The following LIPA variants were observed in gnomAD, a reference collection of about 807,000 sequenced individuals.
LIPA encodes the protein lipase A, lysosomal acid type.
LIPA carries 26 observed loss-of-function variants against 40.6 expected under a neutral mutation model. The observed-to-expected ratio is 0.64, with a 90% CI of 0.47 to 0.89. LIPA has a LOEUF of 0.89. Among genes scored for constraint, LIPA ranks in the 40% least tolerant of loss-of-function variants. The probability of loss-of-function intolerance (pLI) is 0.00; values close to 1 mark genes in which losing one functional copy is unlikely to be tolerated. For synonymous variants in LIPA, 188 were observed against 168.4 expected (o/e 1.12, Z -0.90); for missense variants, 455 against 479.6 (o/e 0.95, Z 0.48).
At chr10:89,232,420 C>A (rs1475646581) in intron 3 of LIPA, among the ~76,000 whole-genome samples, 1 of 152,224 alleles carries the variant, frequency 6.6e-6, no homozygotes, top group Non-Finnish European at 1.5e-5. Context: ...CGACTGCAAT[C>A]GTCTTCCCTC....
chr10:89,360,620 C>G (rs997986001), intron 2 of LIPA, among the ~76,000 whole-genome samples: 1 of 152,154 alleles, frequency 6.6e-6, no homozygotes, highest in Admixed American at 6.5e-5. Flanking sequence ...TCTCGAACTC[C>G]CAACCTCAGG....
At chr10:89,251,568 A>ACGCCCGCAGAAAAAG (rs1432844205) in intron 1 of LIPA, among the ~76,000 whole-genome samples, 169 bp downstream of exon 1, 3 of 152,116 alleles carry the variant, frequency 2.0e-5, no homozygotes, top group African/African-American at 7.2e-5. Context: ...CCTTGAGCCA[A>ACGCCCGCAGAAAAAG]CGCCCGCAGA....
chr10:89,365,286 A>C (rs1844048808), intron 2 of LIPA, among the ~76,000 whole-genome samples: 1 of 152,146 alleles, frequency 6.6e-6, no homozygotes. Flanking sequence ...AACACAGCTA[A>C]AGATAAAATC....
chr10:89,381,993 C>T (rs940536843), intron 2 of LIPA, among the ~76,000 whole-genome samples: 10 of 152,082 alleles, frequency 6.6e-5, no homozygotes, highest in Non-Finnish European at 1.0e-4. Context: ...TAGTTTTGAA[C>T]TCCTGAGCTC....
intron 5 of LIPA, 70 bp from the exon 6 acceptor site, chr10:89,225,298 CG>C: frequency 6.3e-7 from 1 of 1,595,354 alleles, no homozygotes; most frequent in Non-Finnish European, 8.6e-7. Context: ...ACACAAAGGC[CG>C]TCACTCGCGA....
intron 2 of LIPA, chr10:89,393,065 G>T: frequency 9.2e-7 from 1 of 1,082,804 alleles, no homozygotes; most frequent in Non-Finnish European, 1.2e-6. Context: ...ATATGGGGAA[G>T]GAATGGACAG....
chr10:89,400,836 C>A (rs1175425435), intron 2 of LIPA, among the ~76,000 whole-genome samples: 2 of 152,176 alleles, frequency 1.3e-5, no homozygotes, highest in Non-Finnish European at 2.9e-5. Context: ...TTACCTCATT[C>A]CTGATCGTGG....
At chr10:89,403,830 GAAT>G (rs1228182880) in intron 2 of LIPA, 5 of 628,628 alleles carry the variant, frequency 8.0e-6, no homozygotes, top group Non-Finnish European at 1.3e-5. Flanking sequence ...TGTAATTCTT[GAAT>G]AATAAATCTG....
chr10:89,248,394 G>T (rs1843061640), intron 1 of LIPA, among the ~76,000 whole-genome samples: 1 of 149,612 alleles, frequency 6.7e-6, no homozygotes, highest in African/African-American at 2.5e-5. Flanking sequence ...ATGACTTCGT[G>T]ACCTGCCCGC....
intron 1 of LIPA, among the ~76,000 whole-genome samples, chr10:89,271,707 G>A (rs528504834): frequency 3.2e-4 from 49 of 152,182 alleles, no homozygotes; most frequent in Non-Finnish European, 5.3e-4. Flanking sequence ...ACCAGATAAG[G>A]AGTCATGACA....
chr10:89,306,275 A>G, intron 1 of LIPA: 3 of 1,614,120 alleles, frequency 1.9e-6, no homozygotes, highest in South Asian at 2.2e-5. Flanking sequence ...CTACTATCAC[A>G]TGGGCCGACT....
At chr10:89,403,065 A>C in intron 2 of LIPA, 1 of 1,614,244 alleles carries the variant, frequency 6.2e-7, no homozygotes, top group Non-Finnish European at 8.5e-7. Context: ...TTACCGAAGA[A>C]AAGGCTCTGT....
chr10:89,286,194 C>G (rs1192398592), intron 1 of LIPA, among the ~76,000 whole-genome samples: 2 of 152,122 alleles, frequency 1.3e-5, no homozygotes, highest in Admixed American at 1.3e-4. Flanking sequence ...TCGTCCCTCC[C>G]TAATCTCTGT....
chr10:89,412,544 C>T (rs304441), intron 2 of LIPA: 32,576 of 176,774 alleles, frequency 0.18, 3,871 homozygotes, highest in East Asian at 0.45. Flanking sequence ...TCTGCTTCCA[C>T]GTCGTGGAAG....
At chr10:89,393,283 C>A in intron 2 of LIPA, 1 of 1,289,600 alleles carries the variant, frequency 7.8e-7, no homozygotes, top group Non-Finnish European at 1.0e-6. Context: ...CAGGTTTTCG[C>A]AATCAGGCTG....
chr10:89,339,736 C>T (rs776897962), intron 1 of LIPA: 2 of 1,614,034 alleles, frequency 1.2e-6, no homozygotes, highest in African/African-American at 2.7e-5. Context: ...GCAACAATCC[C>T]ATCAGCGCTA....
intron 2 of LIPA, among the ~76,000 whole-genome samples, chr10:89,372,689 C>T (rs182714614): frequency 3.3e-5 from 5 of 152,320 alleles, no homozygotes; most frequent in African/African-American, 4.8e-5. Context: ...ATGTTTGGAT[C>T]GCAGGTTCCT....
At chr10:89,279,141 G>A (rs1843303694) in intron 1 of LIPA, among the ~76,000 whole-genome samples, 1 of 152,150 alleles carries the variant, frequency 6.6e-6, no homozygotes, top group African/African-American at 2.4e-5. Context: ...GAGATGAGAA[G>A]CATTCTAAAG....
At chr10:89,254,943 C>T (rs1371437910), upstream of LIPA, among the ~76,000 whole-genome samples, 1 of 152,146 alleles carries the variant, frequency 6.6e-6, no homozygotes, top group Non-Finnish European at 1.5e-5. Context: ...CATCTGAGAC[C>T]ACCTCAGCCT....
Sources: gnomAD v4.1 joint callset for allele counts (sites outside exome capture counted in the v4.1 genomes callset) on GRCh38, gnomAD v4.1.1 for gene constraint, MANE v1.5 for transcripts, NCBI Gene and HGNC (gene_info 2026-07-23, HGNC 2026-07-21) for gene names.